NRXN1: variants seen among roughly 807,000 people sequenced by gnomAD.
The protein encoded by NRXN1 is neurexin 1.
NRXN1 carries 39 observed loss-of-function variants against 150.9 expected under a neutral mutation model. The observed-to-expected ratio is 0.26, with a 90% CI of 0.20 to 0.34. NRXN1 has a LOEUF of 0.34. Among genes scored for constraint, NRXN1 ranks in the 10% least tolerant of loss-of-function variants. NRXN1 has a pLI of 1.00. For missense variants in NRXN1, 1,815 were observed against 1,949.9 expected (o/e 0.93, Z 1.30); for synonymous variants, 924 against 757.0 (o/e 1.22, Z -3.62).
At chr2:50,396,701 C>T (rs11903097) in intron 17 of NRXN1, among the ~76,000 whole-genome samples, 37,857 of 151,986 alleles carry the variant, frequency 0.25, 5,255 homozygotes, top group East Asian at 0.38. Flanking sequence ...AAGGGACTCA[C>T]GCACTCTCAG....
At chr2:50,261,783 A>T (rs2152912701) in intron 17 of NRXN1, among the ~76,000 whole-genome samples, 1 of 152,060 alleles carries the variant, frequency 6.6e-6, no homozygotes, top group African/African-American at 2.4e-5. Flanking sequence ...ATTCATTAAT[A>T]AATTCTCCTT....
intron 5 of NRXN1, among the ~76,000 whole-genome samples, chr2:50,676,268 C>T (rs1248276031): frequency 3.3e-5 from 5 of 152,130 alleles, no homozygotes; most frequent in African/African-American, 2.4e-5. Flanking sequence ...ATGCTGGCAC[C>T]ATGCTTGTAT....
intron 5 of NRXN1, among the ~76,000 whole-genome samples, chr2:50,862,684 C>T (rs1229607876): frequency 6.6e-6 from 1 of 152,026 alleles, no homozygotes; most frequent in Non-Finnish European, 1.5e-5. Flanking sequence ...TTATTGAGTA[C>T]CTACTGTGTT....
chr2:50,402,776 C>T (rs1345128476), intron 17 of NRXN1, among the ~76,000 whole-genome samples: 1 of 152,108 alleles, frequency 6.6e-6, no homozygotes, highest in Non-Finnish European at 1.5e-5. Flanking sequence ...AGCTCAGCCA[C>T]TTCTCCAGTG....
intron 17 of NRXN1, among the ~76,000 whole-genome samples, chr2:50,463,142 G>A (rs1048328004): frequency 3.3e-5 from 5 of 151,704 alleles, no homozygotes; most frequent in Non-Finnish European, 7.4e-5. Context: ...AAAACCCCAG[G>A]AATCACACTA....
intron 15 of NRXN1, among the ~76,000 whole-genome samples, chr2:50,486,981 G>C (rs563476652): frequency 9.2e-5 from 14 of 152,066 alleles, no homozygotes; most frequent in African/African-American, 3.4e-4. Flanking sequence ...GAGATACGAC[G>C]AACCCTTAGA....
chr2:50,670,738 T>A (rs1187247612), intron 5 of NRXN1, among the ~76,000 whole-genome samples: 1 of 151,910 alleles, frequency 6.6e-6, no homozygotes, highest in African/African-American at 2.4e-5. Flanking sequence ...TTTTAAAGAG[T>A]ATAGATCAGT....
chr2:50,198,313 T>A (rs957281118), intron 18 of NRXN1, among the ~76,000 whole-genome samples: 2 of 152,114 alleles, frequency 1.3e-5, no homozygotes, highest in African/African-American at 4.8e-5. Flanking sequence ...TTTCATAGGA[T>A]GAGTGAGGCA....
chr2:50,384,240 C>T (rs1195974467), intron 17 of NRXN1, among the ~76,000 whole-genome samples: 2 of 152,140 alleles, frequency 1.3e-5, no homozygotes, highest in East Asian at 1.9e-4. Context: ...GGTGCGGTGG[C>T]TCATGCCTGT....
intron 5 of NRXN1, among the ~76,000 whole-genome samples, chr2:50,685,160 A>C (rs1691030620): frequency 6.6e-6 from 1 of 152,176 alleles, no homozygotes; most frequent in African/African-American, 2.4e-5. Flanking sequence ...TTATTATTTC[A>C]ATTAACTTTC....
intron 5 of NRXN1, among the ~76,000 whole-genome samples, chr2:50,878,011 TG>T (rs1678864410): frequency 6.7e-6 from 1 of 150,358 alleles, no homozygotes. Context: ...CCAAAGGGAC[TG>T]CAAGTTCTGT....
chr2:50,896,545 T>C (rs1544690), intron 5 of NRXN1, among the ~76,000 whole-genome samples: 45,096 of 152,090 alleles, frequency 0.3, 7,935 homozygotes, highest in East Asian at 0.61. Context: ...TTGAAGTATC[T>C]AATAGAAAGG....
intron 19 of NRXN1, among the ~76,000 whole-genome samples, chr2:50,071,876 C>A (rs1287788982): frequency 6.6e-6 from 1 of 152,070 alleles, no homozygotes; most frequent in East Asian, 1.9e-4. Context: ...AAAATCATGT[C>A]CATTTTAATT....
intron 5 of NRXN1, among the ~76,000 whole-genome samples, chr2:50,802,423 C>T (rs950634275): frequency 2.0e-5 from 3 of 151,564 alleles, no homozygotes; most frequent in East Asian, 2.0e-4. Flanking sequence ...ACCCTGGAGG[C>T]AGAGGTTGCA....
chr2:49,961,476 G>A (rs1168416832), intron 21 of NRXN1, among the ~76,000 whole-genome samples: 2 of 151,876 alleles, frequency 1.3e-5, no homozygotes, highest in African/African-American at 4.8e-5. Flanking sequence ...TTAAACAAAT[G>A]AGAACACAAT....
At chr2:50,226,453 A>G (rs766976463) in intron 18 of NRXN1, among the ~76,000 whole-genome samples, 1 of 151,938 alleles carries the variant, frequency 6.6e-6, no homozygotes, top group Non-Finnish European at 1.5e-5. Context: ...AGTGCTTTGG[A>G]AAGTGCTTAG....
intron 15 of NRXN1, among the ~76,000 whole-genome samples, chr2:50,483,349 A>G (rs1320081371): frequency 1.3e-5 from 2 of 152,114 alleles, no homozygotes; most frequent in African/African-American, 4.8e-5. Flanking sequence ...AAAAAACTAT[A>G]AGTATACTCA....
At chr2:50,528,035 C>A (rs956838759) in intron 12 of NRXN1, among the ~76,000 whole-genome samples, 5 of 152,120 alleles carry the variant, frequency 3.3e-5, no homozygotes, top group African/African-American at 7.2e-5. Context: ...TCAGTCCATG[C>A]ATCTTTTCAG....
chr2:50,487,733 C>T (rs750393484), intron 15 of NRXN1, among the ~76,000 whole-genome samples: 1 of 152,138 alleles, frequency 6.6e-6, no homozygotes, highest in Non-Finnish European at 1.5e-5. Context: ...AGACAATTGC[C>T]TGAAAATGAT....
Sources: allele counts gnomAD v4.1 joint callset (sites outside exome capture counted in the v4.1 genomes callset), GRCh38; gene constraint gnomAD v4.1.1; transcripts MANE v1.5; gene names NCBI Gene and HGNC (gene_info 2026-07-23, HGNC 2026-07-21).